The following COPZ1 variants were observed in gnomAD, a reference collection of about 807,000 sequenced individuals.
COPZ1 encodes coat protein complex I subunit zeta 1.
Under a neutral mutation model 31.7 loss-of-function variants are expected in COPZ1, and 4 were observed. That is an observed-to-expected ratio of 0.13 (90% CI 0.06 to 0.29). The LOEUF is 0.29. Ranked by LOEUF, COPZ1 falls within the 10% of genes least tolerant of loss-of-function variation. The pLI, the probability that COPZ1 is intolerant of heterozygous loss-of-function variation, is 1.00. For synonymous variants in COPZ1, 74 were observed against 79.0 expected (o/e 0.94, Z 0.33); for missense variants, 156 against 211.5 (o/e 0.74, Z 1.63).
intron 3 of COPZ1, chr12:54,342,676 G>T: frequency 4.5e-6 from 1 of 220,862 alleles, no homozygotes; most frequent in Non-Finnish European, 9.1e-6. Context: ...TAGGTATAGT[G>T]GGCAGGAACA....
intron 1 of COPZ1, among the ~76,000 whole-genome samples, chr12:54,329,452 A>G (rs1446294873): frequency 6.6e-6 from 1 of 152,118 alleles, no homozygotes; most frequent in East Asian, 1.9e-4. Flanking sequence ...GCGTGGTGGC[A>G]TGCGCTTGTA....
intron 4 of COPZ1, chr12:54,344,733 G>T (rs2137108766): frequency 6.6e-6 from 1 of 151,714 alleles, no homozygotes; most frequent in East Asian, 2.0e-4. Context: ...TCCAGCCTGG[G>T]TGACAGAGCC....
In COPZ1 at chr12:54,350,467, T is replaced by C. The variant is rs1478979998; in HGVS notation, c.487-9T>C. The stretch of plus-strand genomic sequence containing the variant: ...CAAGCTTTCCTCAATGCTGCTCTTA[T>C]CTCTGCAGGTGCTGCAGTCAGCCAA... On this transcript the variant is annotated splice_polypyrimidine_tract_variant and intron_variant, in intron 8 of 8. Coordinates refer to ENST00000262061, the MANE Select transcript of COPZ1 (RefSeq NM_016057.3). 1.2e-5 allele frequency: 19 copies of C among 1,613,708 alleles called. No homozygotes were observed. Among genetic ancestry groups the C allele is most frequent in the Middle Eastern group, 1.6e-4 (1 of 6,080 alleles).
At chr12:54,339,184 G>T (rs542196082) in intron 1 of COPZ1, among the ~76,000 whole-genome samples, 1 of 151,524 alleles carries the variant, frequency 6.6e-6, no homozygotes, top group South Asian at 2.1e-4. Context: ...CACTTTGGGA[G>T]GCCTAGGTGG....
intron 1 of COPZ1, among the ~76,000 whole-genome samples, chr12:54,336,136 G>T (rs1218868816): frequency 2.0e-5 from 3 of 152,026 alleles, no homozygotes; most frequent in Non-Finnish European, 2.9e-5. Context: ...CAGTCTTCTG[G>T]TGGCTTACTA....
At chr12:54,336,630 C>T (rs1401132163) in intron 1 of COPZ1, among the ~76,000 whole-genome samples, 3 of 151,956 alleles carry the variant, frequency 2.0e-5, no homozygotes, top group Non-Finnish European at 4.4e-5. Flanking sequence ...CGAGAAGGCC[C>T]ACAGGGGGCA....
intron 1 of COPZ1, among the ~76,000 whole-genome samples, chr12:54,326,697 T>C (rs1411740186): frequency 1.4e-5 from 2 of 146,276 alleles, no homozygotes; most frequent in African/African-American, 5.1e-5. Context: ...GTAGGTAGTA[T>C]AGTGTAGGAA....
At chr12:54,337,958 TTC>T (rs761296941) in intron 1 of COPZ1, among the ~76,000 whole-genome samples, 1 of 152,238 alleles carries the variant, frequency 6.6e-6, no homozygotes, top group Non-Finnish European at 1.5e-5. Context: ...CAGGGATATG[TTC>T]TCTCTTTGCC....
rs145442808 is a variant in COPZ1, at chr12:54,338,282, C to T, written c.19-2265C>T. Among the ~76,000 whole-genome samples the T allele has an allele frequency of 3.7e-3, 566 of 152,276 alleles. 4 individuals carry two copies. The highest frequency in any genetic ancestry group is 0.013 in the African/African-American group (542 of 41,544). On this transcript the variant is annotated intron_variant, in intron 1 of 8. Coordinates refer to ENST00000262061, the MANE Select transcript of COPZ1 (RefSeq NM_016057.3). ...TTTTCTTCCATTAAGAAAACTCATT[C>T]CCATTGTTGTCTCCCTTTTGGAATT...
At position 54,326,961 on chromosome 12, in the gene COPZ1, C is replaced by CTTTTTTTTTTTTTTTTTTTTT. The variant is rs60827109; in HGVS notation, c.18+1797_18+1817dup. 6.9e-5 allele frequency among the ~76,000 whole-genome samples: 3 copies of CTTTTTTTTTTTTTTTTTTTTT among 43,568 alleles called. 1 individual carries two copies. The highest frequency in any genetic ancestry group is 2.0e-4 in the African/African-American group (2 of 10,016). The allele number at this position is 43,568 out of a possible 152,430, so 28.6% of individuals were successfully genotyped here. A position where few individuals can be genotyped will look rare whatever the true frequency, so the allele number is the denominator to read the frequency against. On this transcript the variant is annotated intron_variant, in intron 1 of 8. Coordinates refer to ENST00000262061, the MANE Select transcript of COPZ1 (RefSeq NM_016057.3). The stretch of plus-strand genomic sequence containing the variant: ...CTGTACCAAGCAGTTAACAAGTATT[C>CTTTTTTTTTTTTTTTTTTTTT]TTTTTTTTTTTTTTTTTTTTTTTTT...
chr12:54,328,795 T>C (rs577695478), intron 1 of COPZ1, among the ~76,000 whole-genome samples: 1 of 152,306 alleles, frequency 6.6e-6, no homozygotes, highest in South Asian at 2.1e-4. Flanking sequence ...GTAATGCGGT[T>C]AGGGACAATC....
intron 1 of COPZ1, among the ~76,000 whole-genome samples, chr12:54,339,514 AT>A (rs1565593402): frequency 6.6e-6 from 1 of 151,624 alleles, no homozygotes; most frequent in South Asian, 2.1e-4. Context: ...CACCTGGCTA[AT>A]TTTTTTTATT....
Position 54,347,696 on chromosome 12 carries a change from A to G in COPZ1, c.318-71A>G, listed in dbSNP as rs529419333. 4.7e-5 allele frequency: 67 copies of G among 1,423,888 alleles called. No individual in the cohort carries two copies. The South Asian group carries it at 7.3e-4, about 15-fold the overall frequency. The allele number at this position is 1,423,888 out of a possible 1,614,324, so 88.2% of individuals were successfully genotyped here. Reference sequence around the variant, plus strand: ...TTATTGGTCTAGTTTAGGTTCCTCAATTGAGACAAGGTCCTAGGATTTCTT... The same window carrying G: ...TTATTGGTCTAGTTTAGGTTCCTCAGTTGAGACAAGGTCCTAGGATTTCTT... On this transcript the variant is annotated intron_variant, in intron 5 of 8. Transcript: ENST00000262061.
In COPZ1 at chr12:54,350,584, T is replaced by A; in HGVS notation, c.*61T>A. 7.8e-7 allele frequency: 1 copy of A among 1,276,934 alleles called. No homozygotes were observed. The highest frequency in any genetic ancestry group is 1.2e-5 in the South Asian group (1 of 84,226). 79.1% of individuals were successfully genotyped at this position (1,276,934 alleles called of 1,614,324 possible). A position where few individuals can be genotyped will look rare whatever the true frequency, so the allele number is the denominator to read the frequency against. ...AAAATTTGCATGTCTGCTGTGAATT[T>A]TCATCTAGTTCCCCAATCGATGCTC... On this transcript the variant is annotated 3_prime_UTR_variant, in exon 9 of 9. Coordinates refer to ENST00000262061, the MANE Select transcript of COPZ1 (RefSeq NM_016057.3).
chr12:54,338,413 A>G (rs1175159006), intron 1 of COPZ1, among the ~76,000 whole-genome samples: 1 of 151,764 alleles, frequency 6.6e-6, no homozygotes, highest in Non-Finnish European at 1.5e-5. Context: ...TTAAGACTAG[A>G]CTCTAGAGGA....
At chr12:54,341,859 C>A (rs1953977915) in intron 2 of COPZ1, among the ~76,000 whole-genome samples, 1 of 152,156 alleles carries the variant, frequency 6.6e-6, no homozygotes, top group Non-Finnish European at 1.5e-5. Context: ...GGCACTGCTT[C>A]CTGACATGGG....
chr12:54,348,109 C>T (rs919948341), intron 7 of COPZ1, 58 bp downstream of exon 7: 147 of 1,520,878 alleles, frequency 9.7e-5, no homozygotes, highest in Non-Finnish European at 1.1e-4. Flanking sequence ...CCCTCCAGAG[C>T]CAGACCTGCT....
intron 3 of COPZ1, among the ~76,000 whole-genome samples, chr12:54,342,859 T>A (rs1953997575): frequency 6.8e-6 from 1 of 147,144 alleles, no homozygotes; most frequent in South Asian, 2.2e-4. Flanking sequence ...CCTTCTTTTT[T>A]TTTTTTTTTT....
chr12:54,332,746 G>C (rs1402665377), intron 1 of COPZ1, among the ~76,000 whole-genome samples: 1 of 149,580 alleles, frequency 6.7e-6, no homozygotes, highest in Non-Finnish European at 1.5e-5. Context: ...AAAAAAAAAA[G>C]GGAAAAAAAA....
Sources: gnomAD v4.1 joint callset for allele counts (sites outside exome capture counted in the v4.1 genomes callset) on GRCh38, gnomAD v4.1.1 for gene constraint, MANE v1.5 for transcripts, NCBI Gene and HGNC (gene_info 2026-07-23, HGNC 2026-07-21) for gene names.